MAP3K15: variants seen among roughly 807,000 people sequenced by gnomAD.
The protein encoded by MAP3K15 is MAPK/ERK kinase kinase 15.
MAP3K15 carries 124 observed loss-of-function variants against 99.5 expected under a neutral mutation model. The observed-to-expected ratio is 1.25, with a 90% CI of 1.08 to 1.45. The LOEUF (loss-of-function observed/expected upper bound fraction) is 1.45, where lower values mean the gene tolerates loss of function less well. Ranked by LOEUF, MAP3K15 falls within the 40% of genes most tolerant of loss-of-function variation. The pLI, the probability that MAP3K15 is intolerant of heterozygous loss-of-function variation, is 0.00. For synonymous variants in MAP3K15, 494 were observed against 439.6 expected (o/e 1.12, Z -1.55); for missense variants, 1,242 against 1,079.7 (o/e 1.15, Z -2.11).
Position 19,415,258 on chromosome X carries a change from C to G in MAP3K15, c.1440-1G>C. Reference sequence around the variant, plus strand: ...GTTCTGAACTAATGATCGCAGGTACCTGGAAAAATCACAAACAGCAATATA... The same window carrying G: ...GTTCTGAACTAATGATCGCAGGTACGTGGAAAAATCACAAACAGCAATATA... On this transcript the variant is annotated splice_acceptor_variant, in intron 9 of 28. Coordinates refer to ENST00000338883, the MANE Select transcript of MAP3K15 (RefSeq NM_001001671.4). LOFTEE classifies it high-confidence loss of function. 1.7e-6 allele frequency: 2 copies of G among 1,162,131 alleles called. No homozygotes were observed. Among genetic ancestry groups the G allele is most frequent in the Non-Finnish European group, 2.3e-6 (2 of 876,549 alleles).
intron 18 of MAP3K15, among the ~76,000 whole-genome samples, chrX:19,385,211 G>C (rs757542047): frequency 1.2e-4 from 13 of 111,685 alleles, no homozygotes; most frequent in Non-Finnish European, 2.3e-4. Context: ...GATGTCAGCT[G>C]GGGCTACAGT....
chrX:19,477,177 A>G (rs1186453741), intron 3 of MAP3K15, among the ~76,000 whole-genome samples: 1 of 111,628 alleles, frequency 9.0e-6, no homozygotes, highest in Admixed American at 9.5e-5. Context: ...GGTAGAATTA[A>G]ATATGAATAA....
chrX:19,475,317 C>T (rs997463008), intron 3 of MAP3K15, among the ~76,000 whole-genome samples: 7 of 110,881 alleles, frequency 6.3e-5, no homozygotes, highest in East Asian at 2.8e-4. Context: ...AGGCAGCGTT[C>T]GGGCGGTAAT....
At chrX:19,435,091 A>T (rs5955781) in intron 6 of MAP3K15, among the ~76,000 whole-genome samples, 7,226 of 111,961 alleles carry the variant, frequency 0.065, 332 homozygotes, top group African/African-American at 0.16. Flanking sequence ...ATAATTTCTA[A>T]TGTCTGTGGC....
At position 19,437,893 on chromosome X, in the gene MAP3K15, G is replaced by C. The variant is rs190280355; in HGVS notation, c.996-6285C>G. 2.1e-3 allele frequency among the ~76,000 whole-genome samples: 239 copies of C among 111,455 alleles called. 1 individual carries two copies. The highest frequency in any genetic ancestry group is 7.2e-3 in the African/African-American group (222 of 30,661). ...TGAAAAAAACAACAGTATACCTCCT[G>C]TGTGGTCCTATAGTTTAAAAACTCT... On this transcript the variant is annotated intron_variant, in intron 6 of 28. Coordinates refer to ENST00000338883, the MANE Select transcript of MAP3K15 (RefSeq NM_001001671.4).
At chrX:19,429,454 C>T (rs1284495146) in intron 7 of MAP3K15, among the ~76,000 whole-genome samples, 2 of 110,469 alleles carry the variant, frequency 1.8e-5, no homozygotes, top group African/African-American at 6.6e-5. Flanking sequence ...ATGAATCCAA[C>T]ACTGACTGAA....
In MAP3K15 at chrX:19,495,011, T is replaced by C. The variant is rs998866710; in HGVS notation, c.362-6044A>G. Among the ~76,000 whole-genome samples, 11 of 111,110 alleles carry C rather than the reference T, an allele frequency of 9.9e-5. No individual in the cohort carries two copies. The East Asian group carries it at 3.1e-3, about 31-fold the overall frequency. ...CAAGTCAGTGAAGAAAGTTGTGAAG[T>C]GTTTTGTTTGTTTGTTTTGAGATGG... On this transcript the variant is annotated intron_variant, in intron 1 of 28. Coordinates refer to ENST00000338883, the MANE Select transcript of MAP3K15 (RefSeq NM_001001671.4).
chrX:19,440,641 G>C (rs911565956), intron 6 of MAP3K15, among the ~76,000 whole-genome samples: 4 of 112,507 alleles, frequency 3.6e-5, no homozygotes, highest in African/African-American at 9.7e-5. Context: ...TGGGCTGATA[G>C]GCCCTCTGAT....
chrX:19,361,804 GT>G, intron 26 of MAP3K15: 1 of 343,608 alleles, frequency 2.9e-6, no homozygotes, highest in South Asian at 5.1e-5. Flanking sequence ...GATACCTTCA[GT>G]TAGTTTGGAA....
intron 6 of MAP3K15, among the ~76,000 whole-genome samples, chrX:19,441,433 C>T (rs937483957): frequency 1.9e-5 from 2 of 107,565 alleles, no homozygotes; most frequent in African/African-American, 3.3e-5. Flanking sequence ...TGTACAACTC[C>T]GAATATGCTA....
intron 9 of MAP3K15, among the ~76,000 whole-genome samples, chrX:19,416,344 CA>C (rs771422369): frequency 4.0e-4 from 40 of 100,492 alleles, no homozygotes; most frequent in Admixed American, 1.7e-3. Context: ...AACAAACAAC[CA>C]AAAAAAAAAA....
chrX:19,371,211 T>A (rs2063372797), intron 23 of MAP3K15, 134 bp downstream of exon 23: 1 of 843,491 alleles, frequency 1.2e-6, no homozygotes, highest in African/African-American at 2.1e-5. Context: ...TTTCCTGGAC[T>A]TCATTGTTTA....
At position 19,425,638 on chromosome X, in the gene MAP3K15, G is replaced by A. The variant is rs769457587; in HGVS notation, c.1332C>T (p.Asn444=). The stretch of plus-strand genomic sequence containing the variant: ...AGAACTGACCCACATCCCAGTAATT[G>A]TTCATTTTCTCCAAGCTCCCTTTTC... ...LGRKGSLEKM[N]NYWDVGQFFS... The change falls in exon 9 of 29, where the codon AAC becomes AAT. Residue 444 remains asparagine, a synonymous_variant. Transcript: ENST00000338883. The A allele has an allele frequency of 1.3e-5, 16 of 1,199,179 alleles. No individual in the cohort carries two copies. The highest frequency in any genetic ancestry group is 1.7e-5 in the Non-Finnish European group (15 of 894,538).
At chrX:19,466,668 G>A (rs2064171666) in intron 3 of MAP3K15, 1 of 112,470 alleles carries the variant, frequency 8.9e-6, no homozygotes, top group African/African-American at 3.2e-5. Flanking sequence ...ATACACACCT[G>A]AAATTGGTTG....
chrX:19,390,880 G>T (rs781574954), intron 18 of MAP3K15, among the ~76,000 whole-genome samples: 7 of 110,458 alleles, frequency 6.3e-5, no homozygotes, highest in African/African-American at 2.0e-4. Flanking sequence ...TGATCTTTAC[G>T]TTACTCCTTG....
At chrX:19,365,467 T>C (rs1279071164) in intron 25 of MAP3K15, among the ~76,000 whole-genome samples, 1 of 112,288 alleles carries the variant, frequency 8.9e-6, no homozygotes, top group Non-Finnish European at 1.9e-5. Flanking sequence ...TTCCCCTGGA[T>C]CTTTGGGTCT....
chrX:19,361,791 T>C (rs1172611921), intron 26 of MAP3K15, 198 bp from the exon 27 acceptor site: 3 of 351,581 alleles, frequency 8.5e-6, no homozygotes, highest in Non-Finnish European at 1.5e-5. Context: ...CCTCCTCATC[T>C]AGGATACCTT....
intron 6 of MAP3K15, among the ~76,000 whole-genome samples, chrX:19,447,963 C>G (rs979747713): frequency 2.0e-5 from 2 of 101,477 alleles, no homozygotes; most frequent in African/African-American, 6.9e-5. Context: ...ATGTCCTTAT[C>G]TCAAGGACAA....
intron 3 of MAP3K15, among the ~76,000 whole-genome samples, chrX:19,474,839 A>G (rs997199181): frequency 6.3e-5 from 7 of 111,115 alleles, no homozygotes; most frequent in African/African-American, 2.3e-4. Context: ...AGAAGCACAT[A>G]ATTATATATA....
Sources: allele counts gnomAD v4.1 joint callset (sites outside exome capture counted in the v4.1 genomes callset), GRCh38; gene constraint gnomAD v4.1.1; transcripts MANE v1.5; gene names NCBI Gene and HGNC (gene_info 2026-07-23, HGNC 2026-07-21).